TBC1D16: variants seen among roughly 807,000 people sequenced by gnomAD.
The protein encoded by TBC1D16 is TBC1 domain family member 16.
A neutral mutation model predicts 74.7 loss-of-function variants in TBC1D16; 58 were observed. That is an observed-to-expected ratio of 0.78 (90% confidence interval 0.63 to 0.97). The LOEUF (loss-of-function observed/expected upper bound fraction) is 0.97. Ranked by LOEUF, TBC1D16 falls within the 50% of genes least tolerant of loss-of-function variation. The probability of loss-of-function intolerance (pLI) is 0.00; values close to 1 mark genes in which losing one functional copy is unlikely to be tolerated. For missense variants in TBC1D16, 1,014 were observed against 1,079.5 expected, an observed-to-expected ratio of 0.94 and a Z score of 0.85; for synonymous variants, 493 against 474.7, an observed-to-expected ratio of 1.04 and a Z score of -0.50.
At chr17:80,015,533 C>T (rs2036057077) in intron 1 of TBC1D16, among the ~76,000 whole-genome samples, 1 of 152,212 alleles carries the variant, frequency 6.6e-6, no homozygotes, top group Admixed American at 6.5e-5. Context: ...CACAGCTGGG[C>T]TGCGTGCAGG....
At chr17:80,022,330 T>TTTTA (rs549554968) in intron 1 of TBC1D16, among the ~76,000 whole-genome samples, 7 of 149,646 alleles carry the variant, frequency 4.7e-5, no homozygotes, top group South Asian at 2.1e-4. Flanking sequence ...GGACGTTTAT[T>TTTTA]TTTATTTATT....
chr17:79,957,955 T>A (rs1415836580), intron 3 of TBC1D16, among the ~76,000 whole-genome samples: 2 of 149,298 alleles, frequency 1.3e-5, no homozygotes, highest in African/African-American at 4.9e-5. Flanking sequence ...GTATGTAAAT[T>A]AAAAAGAAAA....
chr17:79,943,797 G>C (rs549967230), intron 10 of TBC1D16: 7 of 1,269,510 alleles, frequency 5.5e-6, no homozygotes, highest in African/African-American at 1.5e-5. Context: ...GCCGGGCCAC[G>C]CGCTGAGTTC....
Position 80,009,893 on chromosome 17 carries a change from T to C in TBC1D16, c.779+267A>G, listed in dbSNP as rs1167578424. On this transcript the variant is annotated intron_variant, in intron 3 of 11. Coordinates refer to ENST00000310924, the MANE Select transcript of TBC1D16 (RefSeq NM_019020.4). The surrounding 1 kb of genome is among the most constrained non-coding windows in gnomAD (Gnocchi z 5.4). ...ATCAGACCTGGTAGGGCCTGTTTAGTCCTAGTGAGTCTCAAGGAGAGAGAA... is the reference window on the plus strand; with the variant it reads ...ATCAGACCTGGTAGGGCCTGTTTAGCCCTAGTGAGTCTCAAGGAGAGAGAA... Among the ~76,000 whole-genome samples the C allele has an allele frequency of 2.0e-5, 3 of 152,062 alleles. No homozygotes were observed. The highest frequency in any genetic ancestry group is 4.4e-5 in the Non-Finnish European group (3 of 68,000).
intron 1 of TBC1D16, among the ~76,000 whole-genome samples, chr17:80,030,588 T>G (rs1388782986): frequency 6.6e-6 from 1 of 152,186 alleles, no homozygotes; most frequent in Non-Finnish European, 1.5e-5. Flanking sequence ...GAGAGAGGTA[T>G]CACCCCAGCC....
intron 3 of TBC1D16, among the ~76,000 whole-genome samples, chr17:79,960,461 CAAAT>C (rs1429348950): frequency 1.3e-5 from 2 of 152,012 alleles, no homozygotes; most frequent in South Asian, 4.1e-4. Flanking sequence ...GACTAAAAAA[CAAAT>C]GAATGAGGCC....
intron 3 of TBC1D16, among the ~76,000 whole-genome samples, chr17:79,976,543 T>C (rs1315610059): frequency 6.6e-6 from 1 of 152,124 alleles, no homozygotes; most frequent in African/African-American, 2.4e-5. Context: ...CCAACAAAGA[T>C]GAGCTCAAAA....
chr17:80,016,702 C>T (rs950319419), intron 1 of TBC1D16, among the ~76,000 whole-genome samples: 3 of 152,162 alleles, frequency 2.0e-5, no homozygotes, highest in African/African-American at 7.2e-5. Flanking sequence ...TGATGGCCAC[C>T]ATCCCAGGAC....
At position 79,986,916 on chromosome 17, in the gene TBC1D16, G is replaced by A. The variant is rs952752779; in HGVS notation, c.779+23244C>T. Among the ~76,000 whole-genome samples, 1 of 152,212 alleles carries A rather than the reference G, an allele frequency of 6.6e-6. No individual in the cohort carries two copies. The highest frequency in any genetic ancestry group is 1.5e-5 in the Non-Finnish European group (1 of 68,034). On this transcript the variant is annotated intron_variant, in intron 3 of 11. Coordinates refer to ENST00000310924, the MANE Select transcript of TBC1D16 (RefSeq NM_019020.4). This position sits in a 1 kb window ranked among gnomAD's most constrained non-coding sequence, Gnocchi z 6.0. ...GGTCAGCCGTCCCCTCGCGCCCTCCGGTCTCTGCTGCTGTGTTTACTTGGC... is the reference window on the plus strand; with the variant it reads ...GGTCAGCCGTCCCCTCGCGCCCTCCAGTCTCTGCTGCTGTGTTTACTTGGC...
At chr17:80,027,900 A>G (rs1047401174) in intron 1 of TBC1D16, among the ~76,000 whole-genome samples, 2 of 151,618 alleles carry the variant, frequency 1.3e-5, no homozygotes, top group African/African-American at 4.8e-5. Context: ...TCAAAAAAAA[A>G]AAAAAAAAAA....
intron 1 of TBC1D16, among the ~76,000 whole-genome samples, chr17:80,025,579 G>GCTGGGAGCACCCCCCTGCTGGGAGCAC (rs1568650752): frequency 8.4e-6 from 1 of 119,722 alleles, no homozygotes; most frequent in African/African-American, 2.8e-5. Flanking sequence ...GCTGGGAGCA[G>GCTGGGAGCACCCCCCTGCTGGGAGCAC]CCGCCTGCTG....
chr17:79,984,728 A>G (rs1032388808), intron 3 of TBC1D16, among the ~76,000 whole-genome samples: 1 of 151,764 alleles, frequency 6.6e-6, no homozygotes, highest in African/African-American at 2.4e-5. Context: ...ACAGTTAAAA[A>G]GAGCAAAAAC....
chr17:79,971,214 G>A lies in TBC1D16; in HGVS notation c.780-18396C>T, dbSNP rs891157808. Among the ~76,000 whole-genome samples the A allele has an allele frequency of 6.6e-6, 1 of 151,924 alleles. No homozygotes were observed. The highest frequency in any genetic ancestry group is 6.6e-5 in the Admixed American group (1 of 15,236). ...ATTTGTGTATTTTTAGTAGAGATGGGGTTTCACCATGTTGGCCAGGCTGGT... is the reference window on the plus strand; with the variant it reads ...ATTTGTGTATTTTTAGTAGAGATGGAGTTTCACCATGTTGGCCAGGCTGGT... On this transcript the variant is annotated intron_variant, in intron 3 of 11. Transcript: ENST00000310924. This position sits in a 1 kb window ranked among gnomAD's most constrained non-coding sequence, Gnocchi z 4.6.
intron 3 of TBC1D16, among the ~76,000 whole-genome samples, chr17:79,978,544 A>T (rs1270966253): frequency 6.6e-6 from 1 of 152,162 alleles, no homozygotes; most frequent in African/African-American, 2.4e-5. Flanking sequence ...TTCTGTTTTA[A>T]TTTTTTCTTA....
intron 3 of TBC1D16, among the ~76,000 whole-genome samples, chr17:79,989,140 G>C (rs1014990836): frequency 2.0e-5 from 3 of 152,208 alleles, no homozygotes; most frequent in Non-Finnish European, 4.4e-5. Context: ...CCCAAATGTG[G>C]AGGACCACTC....
rs1038420515 is a variant in TBC1D16 at position 79,981,220 on chromosome 17, G to C, written c.780-28402C>G. On this transcript the variant is annotated intron_variant, in intron 3 of 11. Transcript: ENST00000310924. This position sits in a 1 kb window ranked among gnomAD's most constrained non-coding sequence, Gnocchi z 6.9. ...CCATCCCCTGGGCCTAGTTTCAGGGGAGCCAGCATCTTCCGCACCAATGCA... is the reference window on the plus strand; with the variant it reads ...CCATCCCCTGGGCCTAGTTTCAGGGCAGCCAGCATCTTCCGCACCAATGCA... 1.3e-5 allele frequency among the ~76,000 whole-genome samples: 2 copies of C among 152,172 alleles called. No individual in the cohort carries two copies. Among genetic ancestry groups the C allele is most frequent in the Admixed American group, 1.3e-4 (2 of 15,274 alleles).
Position 79,954,777 on chromosome 17 carries a change from G to A in TBC1D16, c.780-1959C>T, listed in dbSNP as rs2033257342. 6.6e-6 allele frequency among the ~76,000 whole-genome samples: 1 copy of A among 152,136 alleles called. No homozygotes were observed. Among genetic ancestry groups the A allele is most frequent in the Non-Finnish European group, 1.5e-5 (1 of 68,024 alleles). On this transcript the variant is annotated intron_variant, in intron 3 of 11. Transcript: ENST00000310924. This position sits in a 1 kb window ranked among gnomAD's most constrained non-coding sequence, Gnocchi z 5.5. The stretch of plus-strand genomic sequence containing the variant: ...GCCTGCTGGCCCGGCCCACCCAGTG[G>A]GGCCATCAGAGGGTGGTATCCTTTC...
chr17:80,017,723 C>A (rs527878317), intron 1 of TBC1D16, among the ~76,000 whole-genome samples: 1 of 150,056 alleles, frequency 6.7e-6, no homozygotes, highest in South Asian at 2.1e-4. Context: ...ATCCTTAGCT[C>A]ACAGGCTGTA....
Position 79,941,228 on chromosome 17 carries a change from C to G in TBC1D16, c.2056-121G>C. 2.0e-6 allele frequency: 2 copies of G among 997,060 alleles called. No homozygotes were observed. Among genetic ancestry groups the G allele is most frequent in the Non-Finnish European group, 2.9e-6 (2 of 687,654 alleles). 61.8% of individuals were successfully genotyped at this position (997,060 alleles called of 1,614,324 possible). A position where few individuals can be genotyped will look rare whatever the true frequency, so the allele number is the denominator to read the frequency against. On this transcript the variant is annotated intron_variant, in intron 11 of 11. Coordinates refer to ENST00000310924, the MANE Select transcript of TBC1D16 (RefSeq NM_019020.4). This position sits in a 1 kb window ranked among gnomAD's most constrained non-coding sequence, Gnocchi z 4.3. Reference sequence around the variant, plus strand: ...AACGGCCTGCACCTCGGGGGCTCACCGAGTCCTGGACTGAGGGCTCTGCCT... The same window carrying G: ...AACGGCCTGCACCTCGGGGGCTCACGGAGTCCTGGACTGAGGGCTCTGCCT...
Sources: allele counts gnomAD v4.1 joint callset (sites outside exome capture counted in the v4.1 genomes callset), GRCh38; gene constraint gnomAD v4.1.1; non-coding constraint Gnocchi (gnomAD v3.1); transcripts MANE v1.5; gene names NCBI Gene and HGNC (gene_info 2026-07-23, HGNC 2026-07-21).